Variants in PAQR6 observed in about 807,000 individuals in gnomAD.
PAQR6 encodes membrane progestin receptor delta.
A neutral mutation model predicts 36.2 loss-of-function variants in PAQR6; 34 were observed. The ratio of observed to expected loss-of-function variants is 0.94; its 90% CI spans 0.71 to 1.25. PAQR6 has a LOEUF of 1.25. PAQR6 is among the 50% of genes most tolerant of loss of function. PAQR6 has a pLI of 0.00. For synonymous variants in PAQR6, 190 were observed against 190.7 expected (o/e 1.00, Z 0.03); for missense variants, 431 against 445.7 (o/e 0.97, Z 0.30).
At chr1:156,244,437 T>C in intron 7 of PAQR6, 34 bp from the exon 8 acceptor site, 4 of 1,465,128 alleles carry the variant, frequency 2.7e-6, no homozygotes, top group Non-Finnish European at 3.6e-6. Flanking sequence ...GAGCCACACC[T>C]TTCCCAGTGC....
chr1:156,243,610 T>C lies in PAQR6; in HGVS notation c.*519A>G, dbSNP rs1208446902. ...CCTGGACACCTTGAGCACACAGTTA[T>C]GACCAGGACAGACTCATCTCTATAG... On this transcript the variant is annotated 3_prime_UTR_variant, in exon 8 of 8. Coordinates refer to ENST00000292291, the MANE Select transcript of PAQR6 (RefSeq NM_198406.3). The C allele has an allele frequency of 1.9e-5, 10 of 536,506 alleles. No individual in the cohort carries two copies. The South Asian group carries it at 2.9e-4, about 16-fold the overall frequency. The allele number at this position is 536,506 out of a possible 1,614,324, so 33.2% of individuals were successfully genotyped here.
intron 2 of PAQR6, 149 bp from the exon 3 acceptor site, chr1:156,246,399 C>T: frequency 1.3e-6 from 1 of 798,360 alleles, no homozygotes; most frequent in Non-Finnish European, 2.0e-6. Context: ...TACCACAGGT[C>T]CCAGTACCCA....
At chr1:156,246,100 C>A (rs773736716) in intron 3 of PAQR6, 23 bp downstream of exon 3, 2 of 1,609,116 alleles carry the variant, frequency 1.2e-6, no homozygotes, top group Non-Finnish European at 1.7e-6. Flanking sequence ...AAGGCCGCGG[C>A]CTGGGGCGGA....
Position 156,245,626 on chromosome 1 carries a change from C to T in PAQR6, c.421G>A (p.Ala141Thr). The T allele has an allele frequency of 1.2e-6, 2 of 1,613,246 alleles. No individual in the cohort carries two copies. The highest frequency in any genetic ancestry group is 1.7e-6 in the Non-Finnish European group (2 of 1,179,974). ...AFPYAAYSMP[A>T]SWLHGHLHQF... is the part of the protein sequence containing the mutation. ...TGCAGGTGGCCGTGCAGCCAGGAGG[C>T]CGGCATGGAGTAGGCGGCATAGGGG... Residue 141 changes from alanine to threonine, a missense_variant, in exon 5 of 8, where the codon GCC becomes ACC. Transcript: ENST00000292291.
In PAQR6 at chr1:156,244,955, C is replaced by T. The variant is rs576343756; in HGVS notation, c.610-44G>A. 8 of 1,600,268 alleles carry T rather than the reference C, an allele frequency of 5.0e-6. No homozygotes were observed. In the Admixed American group the frequency reaches 1.2e-4, roughly 24 times the overall value. On this transcript the variant is annotated intron_variant, in intron 6 of 7. Transcript: ENST00000292291. The stretch of plus-strand genomic sequence containing the variant: ...GGCTGCTGGGGAGGGACTCGGGAGC[C>T]GAAACATGGGGTGTGTCTGGGATCT...
Position 156,243,878 on chromosome 1 carries a change from G to C in PAQR6, c.*251C>G. 6.2e-7 allele frequency: 1 copy of C among 1,603,146 alleles called. No individual in the cohort carries two copies. Among genetic ancestry groups the C allele is most frequent in the Non-Finnish European group, 8.5e-7 (1 of 1,171,820 alleles). On this transcript the variant is annotated 3_prime_UTR_variant, in exon 8 of 8. Transcript: ENST00000292291. ...GGGCATCTTCAGCCTGGACACGCAT[G>C]CATCTCCCCTCTCAGACCCTCAGCA...
intron 5 of PAQR6, 51 bp downstream of exon 5, chr1:156,245,484 C>A: frequency 6.2e-7 from 1 of 1,604,148 alleles, no homozygotes. Flanking sequence ...GGTGTGTCCT[C>A]TCCTGTGCCT....
At chr1:156,247,060 C>G (rs1044504152) in intron 1 of PAQR6, among the ~76,000 whole-genome samples, 1 of 152,172 alleles carries the variant, frequency 6.6e-6, no homozygotes, top group Non-Finnish European at 1.5e-5. Context: ...GATCCAGCCC[C>G]GCAGGCCCCA....
chr1:156,244,181 G>A lies in PAQR6; in HGVS notation c.983C>T (p.Pro328Leu), dbSNP rs1212407336. The change falls in exon 8 of 8, where the codon CCT becomes CTT. Residue 328 changes from proline to leucine, a missense_variant. Pro to Leu is a moderately conservative substitution (Grantham distance 98). Coordinates refer to ENST00000292291, the MANE Select transcript of PAQR6 (RefSeq NM_198406.3). Reference protein sequence around the residue: ...ATLLRAPSTCPLLQGGPLEGG... With the variant: ...ATLLRAPSTCLLLQGGPLEGG... ...CTCCAGTGGGCCACCCTGCAGCAGA[G>A]GGCATGTACTGGGGGCCCGAAGCAG... 2 of 1,611,400 alleles carry A rather than the reference G, an allele frequency of 1.2e-6. No individual in the cohort carries two copies. The highest frequency in any genetic ancestry group is 8.5e-7 in the Non-Finnish European group (1 of 1,178,048).
chr1:156,245,386 C>T (rs1390648992), intron 5 of PAQR6, 148 bp from the exon 6 acceptor site: 18 of 1,402,666 alleles, frequency 1.3e-5, no homozygotes, highest in Admixed American at 1.8e-5. Context: ...GTGTAAAGGA[C>T]CACATCTGTA....
chr1:156,243,836 C>A lies in PAQR6; in HGVS notation c.*293G>T. The A allele has an allele frequency of 6.4e-7, 1 of 1,551,862 alleles. No individual in the cohort carries two copies. Among genetic ancestry groups the A allele is most frequent in the Non-Finnish European group, 8.7e-7 (1 of 1,146,244 alleles). On this transcript the variant is annotated 3_prime_UTR_variant, in exon 8 of 8. Coordinates refer to ENST00000292291, the MANE Select transcript of PAQR6 (RefSeq NM_198406.3). ...GGACCCCAACACCTCCCCCCGCCAA[C>A]CTTTGACAGAATATAGGGGCATCTT... is the stretch of plus-strand genomic sequence containing the variant.
chr1:156,246,434 C>T (rs1445212492), intron 2 of PAQR6, among the ~76,000 whole-genome samples, 184 bp from the exon 3 acceptor site: 2 of 152,212 alleles, frequency 1.3e-5, no homozygotes, highest in African/African-American at 2.4e-5. Context: ...AATAGGAAAC[C>T]GAAGAGCCAG....
At position 156,244,907 on chromosome 1, in the gene PAQR6, C is replaced by G; in HGVS notation, c.614G>C (p.Gly205Ala). Residue 205 changes from glycine to alanine, a missense_variant, in exon 7 of 8, where the codon GGG (glycine) becomes GCG (alanine). Coordinates refer to ENST00000292291, the MANE Select transcript of PAQR6 (RefSeq NM_198406.3). ...FDNLPLFYRL[G>A]LCWGRGHGCG... ...GCCGTGGCCCCTGCCCCAGCACAGCCCGAGCTGTCAAAGGAAAACCAAGGC... is the reference window on the plus strand; with the variant it reads ...GCCGTGGCCCCTGCCCCAGCACAGCGCGAGCTGTCAAAGGAAAACCAAGGC... 6.2e-7 allele frequency: 1 copy of G among 1,612,414 alleles called. No homozygotes were observed. The highest frequency in any genetic ancestry group is 1.3e-5 in the African/African-American group (1 of 75,056).
At chr1:156,247,864 G>C in intron 1 of PAQR6, 93 bp downstream of exon 1, 1 of 386,080 alleles carries the variant, frequency 2.6e-6, no homozygotes, top group Non-Finnish European at 5.5e-6. Context: ...AGTGGAGTGT[G>C]TGCAGTTGCT....
At chr1:156,244,544 G>T (rs1659900910) in intron 7 of PAQR6, 141 bp from the exon 8 acceptor site, 1 of 1,359,356 alleles carries the variant, frequency 7.4e-7, no homozygotes, top group Non-Finnish European at 9.9e-7. Flanking sequence ...GAGCATGTGT[G>T]CATGTGGCCC....
In PAQR6 at chr1:156,244,007, C is replaced by T. The variant is rs768943802; in HGVS notation, c.*122G>A. 6.2e-7 allele frequency: 1 copy of T among 1,614,190 alleles called. No individual in the cohort carries two copies. Among genetic ancestry groups the T allele is most frequent in the South Asian group, 1.1e-5 (1 of 91,050 alleles). ...CTGCCCTCTCTCCTGTGCCCTCTCT[C>T]CTCAGCCCCTGTTGGTTCCAGGCTG... is the stretch of plus-strand genomic sequence containing the variant. On this transcript the variant is annotated 3_prime_UTR_variant, in exon 8 of 8. Coordinates refer to ENST00000292291, the MANE Select transcript of PAQR6 (RefSeq NM_198406.3).
Position 156,245,932 on chromosome 1 carries a change from G to C in PAQR6, c.235C>G (p.Pro79Ala). Residue 79 changes from proline to alanine, a missense_variant, in exon 4 of 8, where the codon CCG (proline) becomes GCG (alanine). Pro to Ala is a conservative substitution (Grantham distance 27). Transcript: ENST00000292291. ...LAGGPGFRAEPYHWPLLVFLL... is the reference protein window; with the variant it reads ...LAGGPGFRAEAYHWPLLVFLL... ...AAGACCAGCAGCGGCCAGTGGTACG[G>C]CTCCGCACGGAAGCCGGGGCCGCCC... 1 of 1,546,348 alleles carries C rather than the reference G, an allele frequency of 6.5e-7. No individual in the cohort carries two copies. The highest frequency in any genetic ancestry group is 8.7e-7 in the Non-Finnish European group (1 of 1,147,706).
Position 156,243,389 on chromosome 1 carries a change from GT to G in PAQR6, c.*739del. 1 of 664,970 alleles carries G rather than the reference GT, an allele frequency of 1.5e-6. No individual in the cohort carries two copies. The highest frequency in any genetic ancestry group is 2.4e-6 in the Non-Finnish European group (1 of 411,780). The allele number at this position is 664,970 out of a possible 1,614,324, so 41.2% of individuals were successfully genotyped here. A position where few individuals can be genotyped will look rare whatever the true frequency, so the allele number is the denominator to read the frequency against. Reference sequence around the variant, plus strand: ...GTGTCAGGAGGATGGGGGTGAGGAGGTTTTACCTTCTTCAGTTCTAGAAAGT... The same window carrying G: ...GTGTCAGGAGGATGGGGGTGAGGAGGTTTACCTTCTTCAGTTCTAGAAAGT... On this transcript the variant is annotated 3_prime_UTR_variant, in exon 8 of 8. Coordinates refer to ENST00000292291, the MANE Select transcript of PAQR6 (RefSeq NM_198406.3).
At chr1:156,246,294 C>A in intron 2 of PAQR6, 44 bp from the exon 3 acceptor site, 1 of 1,525,064 alleles carries the variant, frequency 6.6e-7, no homozygotes, top group Non-Finnish European at 9.0e-7. Context: ...GTGCCCGGAC[C>A]CTTTCCCTCC....
Sources: gnomAD v4.1 joint callset for allele counts (sites outside exome capture counted in the v4.1 genomes callset) on GRCh38, gnomAD v4.1.1 for gene constraint, MANE v1.5 for transcripts, NCBI Gene and HGNC (gene_info 2026-07-23, HGNC 2026-07-21) for gene names.